The following FOXN3 variants were observed in gnomAD, a reference collection of about 807,000 sequenced individuals.
FOXN3 encodes the protein forkhead box N3.
Under a neutral mutation model 38.4 loss-of-function variants are expected in FOXN3, and 7 were observed. That is an observed-to-expected ratio of 0.18 (90% CI 0.10 to 0.34). FOXN3 has a LOEUF of 0.34. FOXN3 is among the 10% of genes least tolerant of loss of function. The pLI is 1.00. For synonymous variants in FOXN3, 230 were observed against 242.2 expected (o/e 0.95, Z 0.47); for missense variants, 456 against 613.4 (o/e 0.74, Z 2.71).
rs528570389 is a variant in FOXN3 at position 89,538,604 on chromosome 14, T to C, written c.-15+80424A>G. On this transcript the variant is annotated intron_variant, in intron 1 of 6. Transcript: ENST00000345097. The stretch of plus-strand genomic sequence containing the variant: ...CACGATCTTGGCTCACCACAACCTC[T>C]GCCTCCCGAGTTCAAGCAATTCTCC... 2.3e-3 allele frequency among the ~76,000 whole-genome samples: 351 copies of C among 152,272 alleles called. 1 individual carries two copies. The highest frequency in any genetic ancestry group is 4.0e-3 in the Non-Finnish European group (274 of 68,010).
At chr14:89,183,504 A>C (rs908311896) in intron 4 of FOXN3, among the ~76,000 whole-genome samples, 7 of 152,094 alleles carry the variant, frequency 4.6e-5, no homozygotes, top group African/African-American at 1.7e-4. Context: ...AGGCAATGAA[A>C]ATATACTATG....
At chr14:89,180,218 C>T (rs1887630351) in intron 5 of FOXN3, among the ~76,000 whole-genome samples, 1 of 152,170 alleles carries the variant, frequency 6.6e-6, no homozygotes, top group Non-Finnish European at 1.5e-5. Context: ...ATGATGCCAC[C>T]TGCTATTTAT....
At chr14:89,225,283 T>A (rs1358517793) in intron 4 of FOXN3, among the ~76,000 whole-genome samples, 1 of 149,984 alleles carries the variant, frequency 6.7e-6, no homozygotes, top group Non-Finnish European at 1.5e-5. Flanking sequence ...CCAGCCTGGG[T>A]GACAGAGTGA....
At chr14:89,295,368 C>T (rs1389541050) in intron 3 of FOXN3, among the ~76,000 whole-genome samples, 1 of 152,210 alleles carries the variant, frequency 6.6e-6, no homozygotes, top group Non-Finnish European at 1.5e-5. Context: ...TCTTCCCATT[C>T]TAACGCCTTA....
chr14:89,222,652 T>A (rs1486273288), intron 4 of FOXN3, among the ~76,000 whole-genome samples: 1 of 151,982 alleles, frequency 6.6e-6, no homozygotes, highest in African/African-American at 2.4e-5. Flanking sequence ...CCGAAACATC[T>A]CAGCAAGCCG....
Position 89,511,199 on chromosome 14 carries a change from TTTCTTTTCTTTCTTTCTTTCTTTCTTTC to T in FOXN3, c.-14-98737_-14-98710del, listed in dbSNP as rs1566681031. 2.9e-3 allele frequency among the ~76,000 whole-genome samples: 52 copies of T among 18,088 alleles called. 8 individuals are homozygous for T. The highest frequency in any genetic ancestry group is 0.013 in the Non-Finnish European group (44 of 3,474). The allele number at this position is 18,088 out of a possible 152,430, so 11.9% of individuals were successfully genotyped here. A position where few individuals can be genotyped will look rare whatever the true frequency, so the allele number is the denominator to read the frequency against. On this transcript the variant is annotated intron_variant, in intron 1 of 6. Transcript: ENST00000345097. ...TTTCTTTCTTTCTTTCTTTTCTTTC[TTTCTTTTCTTTCTTTCTTTCTTTCTTTC>T]TTTTCTTTCCTTTTCTTTCTTTTCT... is the stretch of plus-strand genomic sequence containing the variant.
At chr14:89,578,322 T>C (rs945141021) in intron 1 of FOXN3, among the ~76,000 whole-genome samples, 1 of 152,176 alleles carries the variant, frequency 6.6e-6, no homozygotes. Flanking sequence ...CTAATCTTTT[T>C]TCATCTGATC....
chr14:89,355,813 T>C (rs374912659), intron 2 of FOXN3, among the ~76,000 whole-genome samples: 4 of 152,136 alleles, frequency 2.6e-5, no homozygotes, highest in African/African-American at 9.7e-5. Context: ...GACAGTAGTG[T>C]CTGGTTGTGT....
At chr14:89,266,897 C>T (rs1885996380) in intron 4 of FOXN3, among the ~76,000 whole-genome samples, 1 of 152,168 alleles carries the variant, frequency 6.6e-6, no homozygotes, top group African/African-American at 2.4e-5. Context: ...ACACCAAAAG[C>T]TCATTTGGCG....
chr14:89,262,360 C>T (rs1377202026), intron 4 of FOXN3, among the ~76,000 whole-genome samples: 1 of 152,216 alleles, frequency 6.6e-6, no homozygotes, highest in Non-Finnish European at 1.5e-5. Context: ...AATATGCAAA[C>T]TGGAGGCCAG....
intron 5 of FOXN3, among the ~76,000 whole-genome samples, chr14:89,168,465 A>C (rs1490512553): frequency 6.6e-6 from 1 of 152,052 alleles, no homozygotes; most frequent in Non-Finnish European, 1.5e-5. Flanking sequence ...ACCCTGCCTC[A>C]AAAATAAATT....
intron 1 of FOXN3, among the ~76,000 whole-genome samples, chr14:89,489,528 A>C (rs970577527): frequency 2.6e-5 from 4 of 152,188 alleles, no homozygotes; most frequent in Non-Finnish European, 5.9e-5. Context: ...GTAATTAAAA[A>C]ATTTTTTTAT....
At chr14:89,326,961 G>A (rs1220430084) in intron 3 of FOXN3, among the ~76,000 whole-genome samples, 2 of 152,146 alleles carry the variant, frequency 1.3e-5, no homozygotes, top group African/African-American at 2.4e-5. Context: ...TCCCGGGTAC[G>A]TAATATGCAC....
intron 2 of FOXN3, among the ~76,000 whole-genome samples, chr14:89,387,614 A>G (rs1890829556): frequency 6.6e-6 from 1 of 152,196 alleles, no homozygotes; most frequent in Non-Finnish European, 1.5e-5. Context: ...ACTTTATTAT[A>G]AAGTTTATTA....
At chr14:89,197,016 T>C (rs1439722862) in intron 4 of FOXN3, among the ~76,000 whole-genome samples, 2 of 152,180 alleles carry the variant, frequency 1.3e-5, no homozygotes, top group Non-Finnish European at 2.9e-5. Context: ...ATCATAACCA[T>C]TACTTTCTTA....
chr14:89,367,508 G>A lies in FOXN3; in HGVS notation c.544-16700C>T, dbSNP rs78716723. On this transcript the variant is annotated intron_variant, in intron 2 of 5. Coordinates refer to ENST00000557258, the MANE Select transcript of FOXN3 (RefSeq NM_005197.4). ...TGGGTAAGATATGGACAAAGCACCCGGGAACCAGAGGATATGCCCGAGGTT... is the reference window on the plus strand; with the variant it reads ...TGGGTAAGATATGGACAAAGCACCCAGGAACCAGAGGATATGCCCGAGGTT... 1.3e-3 allele frequency among the ~76,000 whole-genome samples: 194 copies of A among 152,220 alleles called. No homozygotes were observed. In the East Asian group the frequency reaches 0.015, roughly 12 times the overall value.
chr14:89,549,970 T>C (rs1482942964), intron 1 of FOXN3, among the ~76,000 whole-genome samples: 7 of 152,210 alleles, frequency 4.6e-5, no homozygotes, highest in African/African-American at 1.4e-4. Context: ...GCTCCTTCAG[T>C]GCGATGCCTG....
intron 4 of FOXN3, among the ~76,000 whole-genome samples, chr14:89,259,784 G>A (rs1039031004): frequency 4.6e-5 from 7 of 152,192 alleles, no homozygotes; most frequent in African/African-American, 7.2e-5. Flanking sequence ...CAACTCCCCC[G>A]ACAGAAACCT....
intron 3 of FOXN3, among the ~76,000 whole-genome samples, chr14:89,333,559 A>C (rs1022721749): frequency 1.5e-4 from 23 of 152,008 alleles, no homozygotes; most frequent in Admixed American, 1.3e-3. Flanking sequence ...CAGAAGCTCG[A>C]GACCAGCCTG....
Sources: gnomAD v4.1 joint callset for allele counts (sites outside exome capture counted in the v4.1 genomes callset) on GRCh38, gnomAD v4.1.1 for gene constraint, MANE v1.5 for transcripts, NCBI Gene and HGNC (gene_info 2026-07-23, HGNC 2026-07-21) for gene names.